The following GALNT10 variants were observed in gnomAD, a reference collection of about 807,000 sequenced individuals.
GALNT10 encodes the protein polypeptide N-acetylgalactosaminyltransferase 10, also known as GalNAc transferase 10.
In GALNT10, 41 loss-of-function variants were observed where a neutral mutation model predicts 75.0. That is an observed-to-expected ratio of 0.55 (90% CI 0.43 to 0.71). GALNT10 has a LOEUF of 0.71. Among genes scored for constraint, GALNT10 ranks in the 30% least tolerant of loss-of-function variants. The pLI is 0.00. For missense variants in GALNT10, 727 were observed against 818.5 expected, an observed-to-expected ratio of 0.89 and a Z score of 1.36; for synonymous variants, 302 against 313.0, an observed-to-expected ratio of 0.96 and a Z score of 0.37.
At chr5:154,304,148 G>A (rs1754397276) in intron 3 of GALNT10, among the ~76,000 whole-genome samples, 1 of 152,132 alleles carries the variant, frequency 6.6e-6, no homozygotes, top group South Asian at 2.1e-4. Flanking sequence ...TTGAAAAGAG[G>A]TTCAATTACC....
At chr5:154,314,725 G>A (rs1332628280) in intron 3 of GALNT10, among the ~76,000 whole-genome samples, 1 of 151,386 alleles carries the variant, frequency 6.6e-6, no homozygotes, top group African/African-American at 2.4e-5. Context: ...GGGGTATGTT[G>A]GATTTGGTTA....
intron 4 of GALNT10, among the ~76,000 whole-genome samples, chr5:154,346,273 A>G (rs1297021115): frequency 6.6e-6 from 1 of 152,206 alleles, no homozygotes; most frequent in African/African-American, 2.4e-5. Flanking sequence ...GGCAGTACAG[A>G]TATCTCTTAA....
In GALNT10 at chr5:154,412,631, C is replaced by G; in HGVS notation, c.1387-258C>G. ...CTTTACCAACTCCTCACCTCCACTC[C>G]CCCACCACCAACCCAGGACTCTGCA... On this transcript the variant is annotated intron_variant, in intron 9 of 11. Coordinates refer to ENST00000297107, the MANE Select transcript of GALNT10 (RefSeq NM_198321.4). This position sits in a 1 kb window ranked among gnomAD's most constrained non-coding sequence, Gnocchi z 4.2. 5.2e-6 allele frequency: 2 copies of G among 382,944 alleles called. No homozygotes were observed. Among genetic ancestry groups the G allele is most frequent in the Non-Finnish European group, 9.7e-6 (2 of 206,616 alleles). The allele number at this position is 382,944 out of a possible 1,614,324, so 23.7% of individuals were successfully genotyped here.
intron 7 of GALNT10, 101 bp downstream of exon 7, chr5:154,386,531 C>T (rs997120053): frequency 1.4e-5 from 11 of 782,182 alleles, no homozygotes; most frequent in African/African-American, 1.4e-4. Flanking sequence ...GACTGGAGGC[C>T]TCAGGGTTCT....
intron 1 of GALNT10, among the ~76,000 whole-genome samples, chr5:154,281,159 C>G (rs1361887308): frequency 6.6e-6 from 1 of 152,174 alleles, no homozygotes; most frequent in African/African-American, 2.4e-5. Flanking sequence ...TGAGAGGACT[C>G]ACATTTTAAC....
intron 4 of GALNT10, among the ~76,000 whole-genome samples, chr5:154,339,329 C>A (rs946432520): frequency 1.4e-4 from 22 of 152,208 alleles, no homozygotes; most frequent in Non-Finnish European, 3.1e-4. Context: ...CCTTTCATAT[C>A]TTTGACATCC....
chr5:154,211,277 C>T (rs1162592385), intron 1 of GALNT10, among the ~76,000 whole-genome samples: 3 of 152,120 alleles, frequency 2.0e-5, no homozygotes, highest in African/African-American at 4.8e-5. Context: ...GGAGCTGGAG[C>T]CCCCACTATG....
intron 3 of GALNT10, among the ~76,000 whole-genome samples, chr5:154,328,178 TAAAC>T: frequency 1.3e-5 from 2 of 152,278 alleles, no homozygotes; most frequent in East Asian, 3.9e-4. Flanking sequence ...GATCCTGTAT[TAAAC>T]AAACCAACTA....
At chr5:154,229,890 T>C (rs554425682) in intron 1 of GALNT10, among the ~76,000 whole-genome samples, 129 of 152,312 alleles carry the variant, frequency 8.5e-4, no homozygotes, top group African/African-American at 2.9e-3. Flanking sequence ...TCAGGATACA[T>C]TGAGGAAGCA....
intron 1 of GALNT10, among the ~76,000 whole-genome samples, chr5:154,276,519 T>G (rs1314524433): frequency 6.6e-6 from 1 of 152,188 alleles, no homozygotes; most frequent in African/African-American, 2.4e-5. Flanking sequence ...AGGAGTGATA[T>G]CTCATCATAT....
intron 7 of GALNT10, chr5:154,388,884 T>TG (rs1755847493): frequency 1.5e-5 from 1 of 67,020 alleles, no homozygotes; most frequent in African/African-American, 7.7e-5. Context: ...CCCCATCTCA[T>TG]TAAAAAAAAA....
chr5:154,322,114 C>A (rs1442243464), intron 3 of GALNT10, among the ~76,000 whole-genome samples: 1 of 152,136 alleles, frequency 6.6e-6, no homozygotes, highest in African/African-American at 2.4e-5. Flanking sequence ...TCTTACAGTT[C>A]TGTAGGTCAG....
chr5:154,228,841 C>T (rs749419300), intron 1 of GALNT10, among the ~76,000 whole-genome samples: 1 of 152,188 alleles, frequency 6.6e-6, no homozygotes, highest in Non-Finnish European at 1.5e-5. Context: ...AAAATGAAAG[C>T]CAGTTTCAGT....
intron 2 of GALNT10, among the ~76,000 whole-genome samples, chr5:154,295,277 G>A (rs933657160): frequency 2.3e-4 from 35 of 152,284 alleles, no homozygotes; most frequent in African/African-American, 7.2e-4. Context: ...AAAACAAGGA[G>A]CAGTAATAAG....
chr5:154,191,442 C>T (rs1358179522), intron 1 of GALNT10, among the ~76,000 whole-genome samples: 1 of 144,790 alleles, frequency 6.9e-6, no homozygotes, highest in East Asian at 2.0e-4. Flanking sequence ...CCCACCCCCC[C>T]CCCCCCACAA....
intron 3 of GALNT10, among the ~76,000 whole-genome samples, chr5:154,313,740 T>C (rs1048874993): frequency 1.3e-5 from 2 of 150,872 alleles, no homozygotes; most frequent in Non-Finnish European, 3.0e-5. Context: ...GAGAGGAGGG[T>C]AGAGAAGGGC....
At position 154,415,952 on chromosome 5, in the gene GALNT10, G is replaced by A; in HGVS notation, c.1653+20G>A. On this transcript the variant is annotated intron_variant, in intron 11 of 11. Transcript: ENST00000297107. ...CGCAAAGTAAGATGGGATGCGGGGGGAGCAGGGCACCTGCTTAATTTTTTT... is the reference window on the plus strand; with the variant it reads ...CGCAAAGTAAGATGGGATGCGGGGGAAGCAGGGCACCTGCTTAATTTTTTT... The A allele has an allele frequency of 6.2e-7, 1 of 1,610,264 alleles. No individual in the cohort carries two copies. The highest frequency in any genetic ancestry group is 8.5e-7 in the Non-Finnish European group (1 of 1,177,366).
In GALNT10 at chr5:154,352,386, C is replaced by T. The variant is rs1755218397; in HGVS notation, c.568+22648C>T. Among the ~76,000 whole-genome samples, 3 of 152,240 alleles carry T rather than the reference C, an allele frequency of 2.0e-5. No individual in the cohort carries two copies. The highest frequency in any genetic ancestry group is 4.4e-5 in the Non-Finnish European group (3 of 68,042). ...GGGTTTCCACCTGGGGATCCTGGCC[C>T]TAGATAAAGTGCTTACTATGTCCCA... is the stretch of plus-strand genomic sequence containing the variant. On this transcript the variant is annotated intron_variant, in intron 4 of 11. Coordinates refer to ENST00000297107, the MANE Select transcript of GALNT10 (RefSeq NM_198321.4). This position sits in a 1 kb window ranked among gnomAD's most constrained non-coding sequence, Gnocchi z 4.4.
chr5:154,219,828 T>TCACACACA (rs1283000665), intron 1 of GALNT10, among the ~76,000 whole-genome samples: 4 of 76,602 alleles, frequency 5.2e-5, no homozygotes, highest in Admixed American at 2.1e-4. Context: ...TCTCTCTCTC[T>TCACACACA]CTCTCTCTCT....
Sources: gnomAD v4.1 joint callset for allele counts (sites outside exome capture counted in the v4.1 genomes callset) on GRCh38, gnomAD v4.1.1 for gene constraint, Gnocchi (gnomAD v3.1) non-coding constraint, MANE v1.5 for transcripts, NCBI Gene and HGNC (gene_info 2026-07-23, HGNC 2026-07-21) for gene names.